LRMDA: variants seen among roughly 807,000 people sequenced by gnomAD.
LRMDA encodes leucine-rich melanocyte differentiation-associated protein.
Under a neutral mutation model 29.8 loss-of-function variants are expected in LRMDA, and 18 were observed. The observed-to-expected ratio is 0.60, with a 90% CI of 0.42 to 0.90. LRMDA has a LOEUF of 0.90. Ranked by LOEUF, LRMDA falls within the 40% of genes least tolerant of loss-of-function variation. The pLI is 0.00. For missense variants in LRMDA, 273 were observed against 273.9 expected (o/e 1.00, Z 0.02); for synonymous variants, 125 against 109.4 (o/e 1.14, Z -0.89).
chr10:75,466,771 C>G (rs1844655894), intron 2 of LRMDA, among the ~76,000 whole-genome samples: 1 of 152,110 alleles, frequency 6.6e-6, no homozygotes, highest in Non-Finnish European at 1.5e-5. Flanking sequence ...GAAACTCCCC[C>G]TACTGAATCT....
At chr10:75,613,707 G>A (rs534313321) in intron 2 of LRMDA, among the ~76,000 whole-genome samples, 14 of 152,162 alleles carry the variant, frequency 9.2e-5, no homozygotes, top group Non-Finnish European at 1.3e-4. Context: ...CCAGTGTTTC[G>A]TGCAGGGGAG....
intron 2 of LRMDA, among the ~76,000 whole-genome samples, chr10:75,832,882 C>A (rs560180416): frequency 1.3e-5 from 2 of 152,244 alleles, no homozygotes; most frequent in East Asian, 3.9e-4. Context: ...AAGACCTGCC[C>A]CCATGATTCA....
chr10:76,460,667 G>A (rs1425197122), intron 6 of LRMDA, among the ~76,000 whole-genome samples: 1 of 152,238 alleles, frequency 6.6e-6, no homozygotes, highest in East Asian at 1.9e-4. Context: ...TCACACAGAA[G>A]TGTAACTTGA....
intron 2 of LRMDA, among the ~76,000 whole-genome samples, chr10:75,687,493 G>A (rs1842097305): frequency 6.6e-6 from 1 of 152,194 alleles, no homozygotes; most frequent in African/African-American, 2.4e-5. Flanking sequence ...AGAGAGGTAA[G>A]GAAGCTGCAA....
chr10:76,233,157 G>A (rs1852091286), intron 5 of LRMDA, among the ~76,000 whole-genome samples: 1 of 152,124 alleles, frequency 6.6e-6, no homozygotes, highest in Non-Finnish European at 1.5e-5. Context: ...GCATTTGGCT[G>A]CCTCCTTTCA....
At chr10:76,180,361 C>A (rs1851023682) in intron 5 of LRMDA, among the ~76,000 whole-genome samples, 1 of 144,104 alleles carries the variant, frequency 6.9e-6, no homozygotes, top group Non-Finnish European at 1.5e-5. Context: ...TCTCTGCTCA[C>A]TGCAACCTCC....
Position 76,455,126 on chromosome 10 carries a change from A to T in LRMDA, c.602-102083A>T, listed in dbSNP as rs547786268. 5.3e-5 allele frequency among the ~76,000 whole-genome samples: 8 copies of T among 152,272 alleles called. No individual in the cohort carries two copies. The South Asian group carries it at 1.7e-3, about 32-fold the overall frequency. The stretch of plus-strand genomic sequence containing the variant: ...TAAGAGAGCCTCTGTTTATAGAAGA[A>T]ATTGTCTCCTAGAATCTAAAACTGT... On this transcript the variant is annotated intron_variant, in intron 6 of 6. Transcript: ENST00000611255.
At chr10:75,896,392 A>G (rs914675022) in intron 2 of LRMDA, among the ~76,000 whole-genome samples, 1 of 152,212 alleles carries the variant, frequency 6.6e-6, no homozygotes, top group Non-Finnish European at 1.5e-5. Context: ...TAGCACACTC[A>G]GTTGTTTATT....
intron 2 of LRMDA, among the ~76,000 whole-genome samples, chr10:75,894,625 T>C (rs1200295097): frequency 6.6e-6 from 1 of 152,134 alleles, no homozygotes; most frequent in East Asian, 1.9e-4. Flanking sequence ...TTTGGAAGGA[T>C]AGTTGGTGTG....
chr10:75,859,662 A>T (rs1221969349), intron 2 of LRMDA, among the ~76,000 whole-genome samples: 1 of 148,096 alleles, frequency 6.8e-6, no homozygotes, highest in Non-Finnish European at 1.5e-5. Context: ...TCTGGCCTCG[A>T]TGCCTCATAC....
chr10:75,832,283 C>G (rs1001260464), intron 2 of LRMDA, among the ~76,000 whole-genome samples: 1 of 152,196 alleles, frequency 6.6e-6, no homozygotes, highest in Non-Finnish European at 1.5e-5. Flanking sequence ...TAATCTCTCT[C>G]AAGTTCAAAT....
At chr10:76,486,828 T>C (rs948819063) in intron 6 of LRMDA, among the ~76,000 whole-genome samples, 2 of 151,868 alleles carry the variant, frequency 1.3e-5, no homozygotes, top group Non-Finnish European at 2.9e-5. Context: ...ACAGCTGCCA[T>C]GGAAGCTCAG....
intron 2 of LRMDA, among the ~76,000 whole-genome samples, chr10:75,702,187 A>G (rs547946638): frequency 3.9e-5 from 6 of 152,300 alleles, no homozygotes; most frequent in African/African-American, 1.4e-4. Flanking sequence ...AGCATCTTGA[A>G]TGTCTACTCT....
chr10:75,820,096 A>G (rs1844131313), intron 2 of LRMDA, among the ~76,000 whole-genome samples: 2 of 152,202 alleles, frequency 1.3e-5, no homozygotes, highest in Non-Finnish European at 2.9e-5. Flanking sequence ...AACATTAGAC[A>G]GATCATCGAG....
intron 6 of LRMDA, among the ~76,000 whole-genome samples, chr10:76,416,005 G>A (rs1842010560): frequency 6.6e-6 from 1 of 152,206 alleles, no homozygotes; most frequent in African/African-American, 2.4e-5. Flanking sequence ...GCTTTGTGAA[G>A]CCGCTATTCA....
chr10:76,416,587 C>G (rs1842017229), intron 6 of LRMDA, among the ~76,000 whole-genome samples: 1 of 152,144 alleles, frequency 6.6e-6, no homozygotes, highest in African/African-American at 2.4e-5. Context: ...GCCTTTCACT[C>G]CAAATAAAAA....
intron 2 of LRMDA, among the ~76,000 whole-genome samples, chr10:75,634,584 T>G (rs1471186522): frequency 6.6e-6 from 1 of 152,164 alleles, no homozygotes; most frequent in Admixed American, 6.5e-5. Context: ...CCCGCCCCAG[T>G]GGGCATTTGA....
At chr10:75,556,720 G>GA in intron 2 of LRMDA, among the ~76,000 whole-genome samples, 1 of 123,904 alleles carries the variant, frequency 8.1e-6, no homozygotes, top group East Asian at 2.7e-4. Flanking sequence ...AGCATAAGGG[G>GA]TGGGGTAACA....
intron 2 of LRMDA, among the ~76,000 whole-genome samples, chr10:75,559,597 A>T (rs1840263947): frequency 6.7e-6 from 1 of 148,582 alleles, no homozygotes; most frequent in African/African-American, 2.4e-5. Context: ...TTAGACATGA[A>T]GTCCTTGCCC....
Sources: gnomAD v4.1 joint callset for allele counts (sites outside exome capture counted in the v4.1 genomes callset) on GRCh38, gnomAD v4.1.1 for gene constraint, MANE v1.5 for transcripts, NCBI Gene and HGNC (gene_info 2026-07-23, HGNC 2026-07-21) for gene names.